Variants in PRDM16 observed in about 807,000 individuals in gnomAD.
PRDM16 encodes the protein histone-lysine N-methyltransferase PRDM16.
A neutral mutation model predicts 110.6 loss-of-function variants in PRDM16; 23 were observed. The observed-to-expected ratio is 0.21, with a 90% CI of 0.15 to 0.29. The LOEUF is 0.29. Among genes scored for constraint, PRDM16 ranks in the 10% least tolerant of loss-of-function variants. The pLI, the probability that PRDM16 is intolerant of heterozygous loss-of-function variation, is 1.00. For missense variants in PRDM16, 1,615 were observed against 1,794.3 expected (o/e 0.90, Z 1.81); for synonymous variants, 799 against 781.8 (o/e 1.02, Z -0.37).
At chr1:3,348,120 G>A (rs944254736) in intron 3 of PRDM16, among the ~76,000 whole-genome samples, 1 of 152,214 alleles carries the variant, frequency 6.6e-6, no homozygotes, top group African/African-American at 2.4e-5. Flanking sequence ...TGCCCAGGTC[G>A]CAGAGGGGTT....
chr1:3,357,805 GCTGGCAT>G (rs1642638607), intron 3 of PRDM16, among the ~76,000 whole-genome samples: 1 of 152,250 alleles, frequency 6.6e-6, no homozygotes, highest in Non-Finnish European at 1.5e-5. Context: ...TGGGGGTGCT[GCTGGCAT>G]CTGGTAGCTG....
chr1:3,122,109 G>A (rs917793706), intron 1 of PRDM16, among the ~76,000 whole-genome samples: 14 of 152,136 alleles, frequency 9.2e-5, no homozygotes, highest in African/African-American at 3.4e-4. Flanking sequence ...GAGGTCAGGC[G>A]GACACGTCCA....
intron 2 of PRDM16, among the ~76,000 whole-genome samples, chr1:3,200,714 G>A (rs1183677847): frequency 1.1e-4 from 16 of 150,238 alleles, no homozygotes; most frequent in Admixed American, 6.5e-5. Context: ...CCCGGCACGC[G>A]TGGCCCTCCT....
rs112487371 is a variant in PRDM16, at chr1:3,129,604, T to C, written c.38-56521T>C. Among the ~76,000 whole-genome samples the C allele has an allele frequency of 2.7e-3, 406 of 152,204 alleles. 2 individuals are homozygous for C. The highest frequency in any genetic ancestry group is 9.1e-3 in the African/African-American group (378 of 41,504). ...CTTGAAGCTGAGGGTCAGGACGGGA[T>C]GGGGACCCGGGGCCCTTGAAGCAGG... On this transcript the variant is annotated intron_variant, in intron 1 of 16. Coordinates refer to ENST00000270722, the MANE Select transcript of PRDM16 (RefSeq NM_022114.4).
chr1:3,176,026 T>A (rs1418066797), intron 1 of PRDM16, among the ~76,000 whole-genome samples: 1 of 30,930 alleles, frequency 3.2e-5, no homozygotes, highest in East Asian at 9.7e-4. Flanking sequence ...CCCTTATAAA[T>A]CTATCCACCC....
At chr1:3,215,904 G>A (rs1018967172) in intron 2 of PRDM16, among the ~76,000 whole-genome samples, 1 of 152,034 alleles carries the variant, frequency 6.6e-6, no homozygotes, top group African/African-American at 2.4e-5. Flanking sequence ...CGATTCAGAT[G>A]GCAAGAAAAC....
Position 3,080,749 on chromosome 1 carries a change from A to C in PRDM16, c.37+11453A>C, listed in dbSNP as rs1439700819. On this transcript the variant is annotated intron_variant, in intron 1 of 16. Transcript: ENST00000270722. The surrounding 1 kb of genome is among the most constrained non-coding windows in gnomAD (Gnocchi z 5.2). Reference sequence around the variant, plus strand: ...CTCCTGGATTTCTGTTCCGAGGAACATGTTGGGCGGTTTCTTCCGGGCCGG... The same window carrying C: ...CTCCTGGATTTCTGTTCCGAGGAACCTGTTGGGCGGTTTCTTCCGGGCCGG... Among the ~76,000 whole-genome samples the C allele has an allele frequency of 6.6e-6, 1 of 152,156 alleles. No individual in the cohort carries two copies. Among genetic ancestry groups the C allele is most frequent in the South Asian group, 2.1e-4 (1 of 4,832 alleles).
At chr1:3,251,168 C>T (rs1639920453) in intron 3 of PRDM16, among the ~76,000 whole-genome samples, 1 of 152,224 alleles carries the variant, frequency 6.6e-6, no homozygotes, top group Non-Finnish European at 1.5e-5. Context: ...AAGCCAGGGC[C>T]CCTTCCCCAC....
At chr1:3,409,570 A>G (rs76716120) in intron 8 of PRDM16, among the ~76,000 whole-genome samples, 7,612 of 152,242 alleles carry the variant, frequency 0.05, 335 homozygotes, top group African/African-American at 0.13. Context: ...GTGAGCAAGA[A>G]GCTTGCTGAA....
chr1:3,150,384 C>T (rs954064719), intron 1 of PRDM16, among the ~76,000 whole-genome samples: 4 of 126,538 alleles, frequency 3.2e-5, no homozygotes, highest in Admixed American at 7.7e-5. Flanking sequence ...GGTAAAACCC[C>T]ATCTCAAAAA....
rs761558988 is a variant in PRDM16, at chr1:3,243,720, G to A, written c.388-367G>A. Among the ~76,000 whole-genome samples the A allele has an allele frequency of 5.3e-4, 81 of 152,214 alleles. 1 individual carries two copies. The highest frequency in any genetic ancestry group is 1.8e-3 in the African/African-American group (73 of 41,444). Reference sequence around the variant, plus strand: ...TGTTCACCATCCAGGGTGTCCATGCGCTCCTCCCAGATGGTTCTCATAAAT... The same window carrying A: ...TGTTCACCATCCAGGGTGTCCATGCACTCCTCCCAGATGGTTCTCATAAAT... On this transcript the variant is annotated intron_variant, in intron 2 of 16. Coordinates refer to ENST00000270722, the MANE Select transcript of PRDM16 (RefSeq NM_022114.4). This position sits in a 1 kb window ranked among gnomAD's most constrained non-coding sequence, Gnocchi z 5.5.
At chr1:3,331,497 T>A (rs1486894504) in intron 3 of PRDM16, among the ~76,000 whole-genome samples, 1 of 152,128 alleles carries the variant, frequency 6.6e-6, no homozygotes, top group Non-Finnish European at 1.5e-5. Flanking sequence ...TAGCCCAGGC[T>A]CCACTTCCAG....
chr1:3,273,976 T>TAAAAAA lies in PRDM16; in HGVS notation c.438+29857_438+29862dup, dbSNP rs927412647. Reference sequence around the variant, plus strand: ...TCACCGTGGACTTGGTATGGGGAGGTAAAAAAAAAAAAAAAAAAAAAAAGC... The same window carrying TAAAAAA: ...TCACCGTGGACTTGGTATGGGGAGGTAAAAAAAAAAAAAAAAAAAAAAAAAAAAAGC... On this transcript the variant is annotated intron_variant, in intron 3 of 16. Transcript: ENST00000270722. Among the ~76,000 whole-genome samples the TAAAAAA allele has an allele frequency of 5.4e-3, 368 of 68,536 alleles. 7 individuals carry two copies. Among genetic ancestry groups the TAAAAAA allele is most frequent in the African/African-American group, 0.017 (354 of 21,054 alleles). The allele number at this position is 68,536 out of a possible 152,430, so 45.0% of individuals were successfully genotyped here.
chr1:3,239,632 A>G (rs1639615421), intron 2 of PRDM16, among the ~76,000 whole-genome samples: 1 of 152,218 alleles, frequency 6.6e-6, no homozygotes. Flanking sequence ...CAACGAAGCT[A>G]CTTCAGAAAT....
At chr1:3,147,016 G>A (rs1643682289) in intron 1 of PRDM16, among the ~76,000 whole-genome samples, 1 of 139,508 alleles carries the variant, frequency 7.2e-6, no homozygotes, top group Non-Finnish European at 1.5e-5. Context: ...TGGGGGGTAT[G>A]CGCACGTGTG....
chr1:3,368,247 C>T (rs763661044), intron 3 of PRDM16, among the ~76,000 whole-genome samples: 7 of 152,204 alleles, frequency 4.6e-5, no homozygotes, highest in Non-Finnish European at 7.3e-5. Flanking sequence ...GATGCTTCCT[C>T]GTGGCGGACT....
chr1:3,275,359 G>A (rs2100302953), intron 3 of PRDM16, among the ~76,000 whole-genome samples: 1 of 152,324 alleles, frequency 6.6e-6, no homozygotes, highest in East Asian at 1.9e-4. Flanking sequence ...CATAGACACA[G>A]GCCAACCCAG....
At chr1:3,128,822 G>C (rs113895603) in intron 1 of PRDM16, among the ~76,000 whole-genome samples, 1 of 152,256 alleles carries the variant, frequency 6.6e-6, no homozygotes, top group Non-Finnish European at 1.5e-5. Flanking sequence ...GCTATCCACA[G>C]CCCAGTGAGT....
chr1:3,279,305 CTGCAGCGGGGCA>C (rs1640658335), intron 3 of PRDM16, among the ~76,000 whole-genome samples: 1 of 152,246 alleles, frequency 6.6e-6, no homozygotes, highest in Non-Finnish European at 1.5e-5. Flanking sequence ...CAGGCCGCCT[CTGCAGCGGGGCA>C]GGGTAGATGT....
Sources: allele counts gnomAD v4.1 joint callset (sites outside exome capture counted in the v4.1 genomes callset), GRCh38; gene constraint gnomAD v4.1.1; non-coding constraint Gnocchi (gnomAD v3.1); transcripts MANE v1.5; gene names NCBI Gene and HGNC (gene_info 2026-07-23, HGNC 2026-07-21).